The following HDAC9 variants were observed in gnomAD, a reference collection of about 807,000 sequenced individuals.
HDAC9 encodes histone deacetylase 9.
A neutral mutation model predicts 139.4 loss-of-function variants in HDAC9; 41 were observed. The ratio of observed to expected loss-of-function variants is 0.29; its 90% CI spans 0.23 to 0.38. The LOEUF (loss-of-function observed/expected upper bound fraction) is 0.38, where lower values mean the gene tolerates loss of function less well. Ranked by LOEUF, HDAC9 falls within the 10% of genes least tolerant of loss-of-function variation. HDAC9 has a pLI of 1.00. For synonymous variants in HDAC9, 517 were observed against 476.2 expected (o/e 1.09, Z -1.12); for missense variants, 1,147 against 1,297.0 (o/e 0.88, Z 1.78).
chr7:18,899,694 A>G (rs2129278860), intron 22 of HDAC9, among the ~76,000 whole-genome samples: 1 of 152,064 alleles, frequency 6.6e-6, no homozygotes, highest in East Asian at 1.9e-4. Context: ...TAAGCCTTGA[A>G]CTATTCAATG....
At chr7:18,252,148 A>G (rs1175036842) in intron 2 of HDAC9, among the ~76,000 whole-genome samples, 2 of 152,226 alleles carry the variant, frequency 1.3e-5, no homozygotes, top group East Asian at 3.8e-4. Flanking sequence ...AGCATTCAGT[A>G]GAGAAGTTGG....
At chr7:18,880,414 C>G (rs548219038) in intron 22 of HDAC9, among the ~76,000 whole-genome samples, 2 of 152,274 alleles carry the variant, frequency 1.3e-5, no homozygotes, top group African/African-American at 4.8e-5. Context: ...ACTTAAGTGC[C>G]CATCAATGAT....
At chr7:18,803,188 A>T (rs1371082936) in intron 17 of HDAC9, among the ~76,000 whole-genome samples, 1 of 152,042 alleles carries the variant, frequency 6.6e-6, no homozygotes, top group Admixed American at 6.6e-5. Context: ...TAACCTACTT[A>T]TAACACATCC....
intron 1 of HDAC9, among the ~76,000 whole-genome samples, chr7:18,336,560 A>T (rs1178458714): frequency 6.6e-6 from 1 of 151,676 alleles, no homozygotes; most frequent in Non-Finnish European, 1.5e-5. Flanking sequence ...AACTGATAGA[A>T]ATTTGGCTGC....
intron 21 of HDAC9, among the ~76,000 whole-genome samples, chr7:18,853,622 A>C (rs1797460899): frequency 6.6e-6 from 1 of 151,944 alleles, no homozygotes; most frequent in African/African-American, 2.4e-5. Flanking sequence ...TAAAGTACCT[A>C]TTTGAAACTG....
intron 25 of HDAC9, among the ~76,000 whole-genome samples, chr7:18,987,390 A>C (rs1295720781): frequency 6.6e-6 from 1 of 152,044 alleles, no homozygotes; most frequent in Non-Finnish European, 1.5e-5. Flanking sequence ...CATATATTGA[A>C]CCAGCCTTGC....
In HDAC9 at chr7:18,770,925, T is replaced by C. The variant is rs192114835; in HGVS notation, c.2214+3770T>C. Among the ~76,000 whole-genome samples, 733 of 152,246 alleles carry C rather than the reference T, an allele frequency of 4.8e-3. 3 individuals carry two copies. The highest frequency in any genetic ancestry group is 0.034 in the South Asian group (163 of 4,828). ...GATATGATTTTATATAAGTTTGGGT[T>C]TCATGCTCTGTTCCCTGGGGAAAGC... On this transcript the variant is annotated intron_variant, in intron 16 of 25. Transcript: ENST00000686413.
intron 1 of HDAC9, among the ~76,000 whole-genome samples, chr7:18,161,638 A>G (rs1198238258): frequency 2.0e-5 from 3 of 152,160 alleles, no homozygotes; most frequent in Non-Finnish European, 4.4e-5. Context: ...CCATCCTGTT[A>G]GTCTGACTCC....
At chr7:18,188,543 A>G (rs1790087720) in intron 2 of HDAC9, among the ~76,000 whole-genome samples, 1 of 152,174 alleles carries the variant, frequency 6.6e-6, no homozygotes, top group Admixed American at 6.5e-5. Flanking sequence ...AAAAGAAACT[A>G]TCAGAGTGAA....
intron 1 of HDAC9, among the ~76,000 whole-genome samples, chr7:18,422,043 G>A (rs1337165735): frequency 6.6e-6 from 1 of 152,164 alleles, no homozygotes; most frequent in African/African-American, 2.4e-5. Context: ...GTGCCTAAAT[G>A]TAGATCCTTC....
At chr7:18,716,426 G>A (rs1169497138) in intron 12 of HDAC9, among the ~76,000 whole-genome samples, 1 of 152,088 alleles carries the variant, frequency 6.6e-6, no homozygotes, top group African/African-American at 2.4e-5. Context: ...TTTCAAAATT[G>A]GAATATAGTT....
At chr7:18,119,383 T>C (rs1279165763) in intron 1 of HDAC9, among the ~76,000 whole-genome samples, 2 of 152,206 alleles carry the variant, frequency 1.3e-5, no homozygotes, top group African/African-American at 4.8e-5. Context: ...AAGTGAAATA[T>C]GAAAGGCAGT....
intron 2 of HDAC9, among the ~76,000 whole-genome samples, chr7:18,248,200 G>A (rs955830791): frequency 1.3e-5 from 2 of 152,126 alleles, no homozygotes; most frequent in Non-Finnish European, 2.9e-5. Flanking sequence ...GAAAGCAATT[G>A]CAGATTTACT....
chr7:18,751,737 A>C (rs1301598880), intron 14 of HDAC9, among the ~76,000 whole-genome samples: 1 of 152,170 alleles, frequency 6.6e-6, no homozygotes, highest in African/African-American at 2.4e-5. Context: ...AGTATTAACT[A>C]AACAAATGTT....
chr7:18,784,027 A>G (rs1414974499), intron 16 of HDAC9, among the ~76,000 whole-genome samples: 1 of 151,990 alleles, frequency 6.6e-6, no homozygotes, highest in African/African-American at 2.4e-5. Context: ...CATTATGTCT[A>G]TGTCCCCATT....
intron 14 of HDAC9, among the ~76,000 whole-genome samples, chr7:18,761,128 A>C (rs1789347413): frequency 6.6e-6 from 1 of 152,238 alleles, no homozygotes; most frequent in Non-Finnish European, 1.5e-5. Flanking sequence ...TCTCTGTAAT[A>C]CTAGAAAGCA....
chr7:18,962,190 G>C (rs1783570467), intron 24 of HDAC9, among the ~76,000 whole-genome samples: 1 of 152,152 alleles, frequency 6.6e-6, no homozygotes, highest in South Asian at 2.1e-4. Context: ...CCTGACTGTT[G>C]TCAGGTGGGA....
At chr7:18,588,751 C>T (rs182078297) in intron 3 of HDAC9, among the ~76,000 whole-genome samples, 1 of 152,174 alleles carries the variant, frequency 6.6e-6, no homozygotes, top group East Asian at 1.9e-4. Context: ...AAATATATTG[C>T]AGCTGAAAGG....
intron 1 of HDAC9, among the ~76,000 whole-genome samples, chr7:18,340,084 A>G (rs933585645): frequency 1.3e-5 from 2 of 151,580 alleles, no homozygotes; most frequent in Non-Finnish European, 1.5e-5. Context: ...TATTAGGTGC[A>G]TAAACATTTA....
Sources: allele counts gnomAD v4.1 joint callset (sites outside exome capture counted in the v4.1 genomes callset), GRCh38; gene constraint gnomAD v4.1.1; transcripts MANE v1.5; gene names NCBI Gene and HGNC (gene_info 2026-07-23, HGNC 2026-07-21).